Variants in HNF4A observed in about 807,000 individuals in gnomAD.
The protein encoded by HNF4A is hepatocyte nuclear factor 4-alpha.
HNF4A carries 15 observed loss-of-function variants against 52.4 expected under a neutral mutation model. The ratio of observed to expected loss-of-function variants is 0.29; its 90% CI spans 0.19 to 0.44. The LOEUF is 0.44. Among genes scored for constraint, HNF4A ranks in the 20% least tolerant of loss-of-function variants. The pLI, the probability that HNF4A is intolerant of heterozygous loss-of-function variation, is 1.00. For missense variants in HNF4A, 479 were observed against 647.2 expected (o/e 0.74, Z 2.82); for synonymous variants, 280 against 264.4 (o/e 1.06, Z -0.57).
chr20:44,355,926 C>T (rs1234171525), intron 1 of HNF4A, 73 bp downstream of exon 1: 3 of 1,327,266 alleles, frequency 2.3e-6, no homozygotes, highest in Admixed American at 2.0e-5. Flanking sequence ...GACACCTCCC[C>T]GTGTGTTTCT....
rs11484360 is a variant in HNF4A, at chr20:44,388,372, A to ACCCCC, written c.50-17682_50-17678dup. Among the ~76,000 whole-genome samples, 69 of 89,498 alleles carry ACCCCC rather than the reference A, an allele frequency of 7.7e-4. 2 individuals are homozygous for ACCCCC. The highest frequency in any genetic ancestry group is 3.2e-3 in the African/African-American group (39 of 12,122). 58.7% of individuals were successfully genotyped at this position (89,498 alleles called of 152,430 possible). A position where few individuals can be genotyped will look rare whatever the true frequency, so the allele number is the denominator to read the frequency against. ...ACAAAGCCTGGAACCTTCCTCAAAG[A>ACCCCC]CCCCCCCCACCCCCGTACATTGGAA... On this transcript the variant is annotated intron_variant, in intron 1 of 9. Coordinates refer to the HNF4A transcript ENST00000316673.
rs1388112035 is a variant in HNF4A at position 44,405,081 on chromosome 20, G to GTGGTGCGTGTGTGTGGACTGTC, written c.116-962_116-961insGACTGTCTGGTGCGTGTGTGTG. On this transcript the variant is annotated intron_variant, in intron 1 of 9. Coordinates refer to ENST00000316099, the MANE Select transcript of HNF4A (RefSeq NM_000457.6). ...TGTGTGGTGCGTGTGTGTGGACTGT[G>GTGGTGCGTGTGTGTGGACTGTC]TGGTGCGTGTGTGTGCTTGTGCGTA... Among the ~76,000 whole-genome samples, 3 of 28,348 alleles carry GTGGTGCGTGTGTGTGGACTGTC rather than the reference G, an allele frequency of 1.1e-4. No homozygotes were observed. The East Asian group carries it at 2.1e-3, about 20-fold the overall frequency. The allele number at this position is 28,348 out of a possible 152,430, so 18.6% of individuals were successfully genotyped here. A position where few individuals can be genotyped will look rare whatever the true frequency, so the allele number is the denominator to read the frequency against.
At chr20:44,370,025 T>C (rs1335688154) in intron 1 of HNF4A, among the ~76,000 whole-genome samples, 1 of 151,884 alleles carries the variant, frequency 6.6e-6, no homozygotes, top group East Asian at 1.9e-4. Flanking sequence ...TTTTGTTTTT[T>C]TTGTTTGTTT....
intron 7 of HNF4A, among the ~76,000 whole-genome samples, chr20:44,422,449 C>G (rs1001033251): frequency 1.3e-5 from 2 of 152,094 alleles, no homozygotes; most frequent in African/African-American, 4.8e-5. Flanking sequence ...TCAGTGGAGA[C>G]AGCCCACTAG....
intron 9 of HNF4A, 98 bp downstream of exon 9, chr20:44,428,585 AAC>A (rs2063840478): frequency 8.2e-7 from 1 of 1,222,222 alleles, no homozygotes; most frequent in Non-Finnish European, 1.2e-6. Context: ...ACCAGGATGC[AAC>A]AGTTTTCTGG....
In HNF4A at chr20:44,432,304, T is replaced by G. The variant is rs886056690; in HGVS notation, c.*2639T>G. The G allele has an allele frequency of 6.6e-6, 1 of 151,322 alleles. No individual in the cohort carries two copies. The highest frequency in any genetic ancestry group is 1.5e-5 in the Non-Finnish European group (1 of 67,928). 9.4% of individuals were successfully genotyped at this position (151,322 alleles called of 1,614,324 possible). On this transcript the variant is annotated 3_prime_UTR_variant, in exon 10 of 10. Transcript: ENST00000316099. ...AAACACAAAACAAAGTTTACTTTTT[T>G]GACTCTAAGCTGACATGATATTAGA...
intron 1 of HNF4A, among the ~76,000 whole-genome samples, chr20:44,375,089 T>C (rs2063070873): frequency 2.0e-5 from 3 of 151,474 alleles, no homozygotes; most frequent in Non-Finnish European, 2.9e-5. Flanking sequence ...TTTTGACTAG[T>C]GTGAGATGGT....
chr20:44,373,957 T>C (rs1408751289), intron 1 of HNF4A, among the ~76,000 whole-genome samples: 1 of 152,162 alleles, frequency 6.6e-6, no homozygotes, highest in African/African-American at 2.4e-5. Flanking sequence ...CCCAAACTGC[T>C]GGGATTACAG....
chr20:44,426,010 T>C (rs1412931339), intron 8 of HNF4A, among the ~76,000 whole-genome samples: 2 of 152,052 alleles, frequency 1.3e-5, no homozygotes, highest in Non-Finnish European at 2.9e-5. Flanking sequence ...ATCCAAGTTA[T>C]CAAGGAGGCT....
intron 5 of HNF4A, among the ~76,000 whole-genome samples, chr20:44,415,564 C>T (rs1317802328): frequency 6.6e-6 from 1 of 152,156 alleles, no homozygotes; most frequent in Non-Finnish European, 1.5e-5. Context: ...GGCTGGGCCA[C>T]CTTCTCAGCT....
intron 1 of HNF4A, among the ~76,000 whole-genome samples, chr20:44,393,703 C>T (rs1050624022): frequency 6.6e-6 from 1 of 152,058 alleles, no homozygotes; most frequent in Non-Finnish European, 1.5e-5. Context: ...TATCCAGTGG[C>T]CATGATGATC....
intron 1 of HNF4A, among the ~76,000 whole-genome samples, chr20:44,394,343 C>G (rs1390404965): frequency 6.6e-6 from 1 of 152,172 alleles, no homozygotes; most frequent in Non-Finnish European, 1.5e-5. Flanking sequence ...CTCCATCTCC[C>G]CATCTGTGCA....
intron 1 of HNF4A, among the ~76,000 whole-genome samples, chr20:44,405,278 A>AAATTTTTTT (rs1328536978): frequency 8.3e-4 from 126 of 152,156 alleles, no homozygotes; most frequent in African/African-American, 3.0e-3. Flanking sequence ...CAAATTTTTT[A>AAATTTTTTT]AATTTTTTAA....
At chr20:44,405,095 T>TGGACTGTGTGGTGCGTGTGTGG (rs2063480986) in intron 1 of HNF4A, among the ~76,000 whole-genome samples, 1 of 15,092 alleles carries the variant, frequency 6.6e-5, no homozygotes, top group Admixed American at 6.2e-4. Context: ...TGCGTGTGTG[T>TGGACTGTGTGGTGCGTGTGTGG]GCTTGTGCGT....
intron 1 of HNF4A, among the ~76,000 whole-genome samples, chr20:44,376,671 C>T (rs2063089108): frequency 6.6e-6 from 1 of 152,040 alleles, no homozygotes; most frequent in Non-Finnish European, 1.5e-5. Flanking sequence ...ATCATGGTCA[C>T]CATTTGGTAT....
rs558663918 is a variant in HNF4A at position 44,404,365 on chromosome 20, A to G, written c.116-1693A>G. Reference sequence around the variant, plus strand: ...AAGCTGGAATTGAACCCTGGGCAGAAGGACTTCAGAGGCTGTGCTGTTACC... The same window carrying G: ...AAGCTGGAATTGAACCCTGGGCAGAGGGACTTCAGAGGCTGTGCTGTTACC... On this transcript the variant is annotated intron_variant, in intron 1 of 9. Coordinates refer to ENST00000316099, the MANE Select transcript of HNF4A (RefSeq NM_000457.6). Among the ~76,000 whole-genome samples the G allele has an allele frequency of 2.0e-5, 3 of 152,254 alleles. No homozygotes were observed. In the South Asian group the frequency reaches 6.2e-4, roughly 32 times the overall value.
At chr20:44,415,160 A>G (rs2063645606) in intron 5 of HNF4A, among the ~76,000 whole-genome samples, 1 of 152,094 alleles carries the variant, frequency 6.6e-6, no homozygotes, top group Non-Finnish European at 1.5e-5. Context: ...GTGTTCTCTT[A>G]TCTGTAAAGT....
chr20:44,387,373 C>G (rs1298784498), intron 1 of HNF4A, among the ~76,000 whole-genome samples: 1 of 143,880 alleles, frequency 7.0e-6, no homozygotes. Flanking sequence ...GAAAGAAAAA[C>G]TTTAAAATGG....
At chr20:44,361,946 C>T (rs570735240) in intron 1 of HNF4A, among the ~76,000 whole-genome samples, 39 of 152,162 alleles carry the variant, frequency 2.6e-4, no homozygotes, top group African/African-American at 8.7e-4. Flanking sequence ...GGAGAAGAGA[C>T]GGTGGGGAAG....
Sources: gnomAD v4.1 joint callset for allele counts (sites outside exome capture counted in the v4.1 genomes callset) on GRCh38, gnomAD v4.1.1 for gene constraint, MANE v1.5 for transcripts, NCBI Gene and HGNC (gene_info 2026-07-23, HGNC 2026-07-21) for gene names.